ARHGAP42: variants seen among roughly 807,000 people sequenced by gnomAD.
ARHGAP42 encodes the protein Rho GTPase activating protein 42, also known as rho GTPase-activating protein 42.
Under a neutral mutation model 125.0 loss-of-function variants are expected in ARHGAP42, and 63 were observed. That is an observed-to-expected ratio of 0.50 (90% CI 0.41 to 0.62). The LOEUF is 0.62. Among genes scored for constraint, ARHGAP42 ranks in the 20% least tolerant of loss-of-function variants. The pLI is 0.00. For missense variants in ARHGAP42, 766 were observed against 1,024.2 expected, an observed-to-expected ratio of 0.75 and a Z score of 3.44; for synonymous variants, 339 against 351.0, an observed-to-expected ratio of 0.97 and a Z score of 0.38.
chr11:100,775,497 G>A (rs774835942), intron 2 of ARHGAP42, among the ~76,000 whole-genome samples: 3 of 152,178 alleles, frequency 2.0e-5, no homozygotes, highest in Non-Finnish European at 2.9e-5. Context: ...AATTGATAAC[G>A]TTCCAACATG....
At chr11:100,718,313 G>A (rs1306689619) in intron 1 of ARHGAP42, among the ~76,000 whole-genome samples, 1 of 152,192 alleles carries the variant, frequency 6.6e-6, no homozygotes, top group African/African-American at 2.4e-5. Flanking sequence ...CATAGCCACT[G>A]GATCTAGCAT....
intron 1 of ARHGAP42, among the ~76,000 whole-genome samples, chr11:100,740,146 T>G (rs2120342198): frequency 6.6e-6 from 1 of 152,194 alleles, no homozygotes; most frequent in South Asian, 2.1e-4. Context: ...TTCTGGAAGT[T>G]TTCCTGTTGA....
chr11:100,785,716 G>T (rs900655109), intron 2 of ARHGAP42, among the ~76,000 whole-genome samples: 1 of 152,148 alleles, frequency 6.6e-6, no homozygotes. Flanking sequence ...TTGCTTGTCA[G>T]CAGCAAATTA....
intron 12 of ARHGAP42, among the ~76,000 whole-genome samples, chr11:100,950,612 T>A (rs1177673450): frequency 1.3e-5 from 2 of 151,866 alleles, no homozygotes; most frequent in African/African-American, 4.8e-5. Context: ...AGTTTATATG[T>A]TTTTCATCAT....
intron 3 of ARHGAP42, among the ~76,000 whole-genome samples, chr11:100,850,787 T>C (rs368932052): frequency 6.6e-6 from 1 of 152,160 alleles, no homozygotes; most frequent in East Asian, 1.9e-4. Flanking sequence ...GGTTTCTGAG[T>C]TTCCCTAACA....
At chr11:100,782,784 T>G (rs77797324) in intron 2 of ARHGAP42, among the ~76,000 whole-genome samples, 5,639 of 152,280 alleles carry the variant, frequency 0.037, 101 homozygotes, top group African/African-American at 0.07. Flanking sequence ...GCTTGATTTT[T>G]GGGACTCGGA....
chr11:100,826,518 T>A (rs1864518208), intron 3 of ARHGAP42, among the ~76,000 whole-genome samples: 1 of 152,214 alleles, frequency 6.6e-6, no homozygotes, highest in South Asian at 2.1e-4. Flanking sequence ...TGTTCTTCTC[T>A]CATGTACCAT....
rs933895700 is a variant in ARHGAP42, at chr11:100,990,350, T to C, written c.*1549T>C. The C allele has an allele frequency of 2.6e-5, 4 of 152,108 alleles. No individual in the cohort carries two copies. Among genetic ancestry groups the C allele is most frequent in the African/African-American group, 9.7e-5 (4 of 41,432 alleles). 9.4% of individuals were successfully genotyped at this position (152,108 alleles called of 1,614,324 possible). A position where few individuals can be genotyped will look rare whatever the true frequency, so the allele number is the denominator to read the frequency against. On this transcript the variant is annotated 3_prime_UTR_variant, in exon 24 of 24. Transcript: ENST00000298815. ...TAATCTCTATCTCTTCTACTTTAAA[T>C]TAATGTTTCTAGAATTAATAGGTTA...
At chr11:100,939,838 C>T (rs1037550895) in intron 8 of ARHGAP42, among the ~76,000 whole-genome samples, 1 of 152,100 alleles carries the variant, frequency 6.6e-6, no homozygotes, top group African/African-American at 2.4e-5. Context: ...GCAGGAGGTC[C>T]TGAACTTCAG....
At chr11:100,970,238 C>G (rs1175452039) in intron 17 of ARHGAP42, among the ~76,000 whole-genome samples, 1 of 152,166 alleles carries the variant, frequency 6.6e-6, no homozygotes, top group Non-Finnish European at 1.5e-5. Context: ...ATCCACCCGC[C>G]TTGGCCTCCA....
chr11:100,867,436 C>T (rs533362300), intron 4 of ARHGAP42, among the ~76,000 whole-genome samples: 15 of 152,316 alleles, frequency 9.8e-5, no homozygotes, highest in African/African-American at 3.1e-4. Flanking sequence ...TCACCTGAGA[C>T]GTATATGTTA....
At chr11:100,893,158 G>GTGTGTGTGTGTGT in intron 4 of ARHGAP42, among the ~76,000 whole-genome samples, 2 of 147,090 alleles carry the variant, frequency 1.4e-5, no homozygotes, top group East Asian at 4.1e-4. Flanking sequence ...AACATTTAGG[G>GTGTGTGTGTGTGT]GTGTGTGTGT....
intron 1 of ARHGAP42, among the ~76,000 whole-genome samples, chr11:100,733,927 G>GTT: frequency 7.2e-6 from 1 of 138,160 alleles, no homozygotes; most frequent in African/African-American, 2.7e-5. Context: ...CCAAAGCAAA[G>GTT]TTGTTTTTTT....
intron 2 of ARHGAP42, among the ~76,000 whole-genome samples, chr11:100,786,187 T>C (rs1445426983): frequency 6.6e-6 from 1 of 152,128 alleles, no homozygotes; most frequent in Non-Finnish European, 1.5e-5. Flanking sequence ...GGAAACAGAA[T>C]AAACATTAAA....
intron 3 of ARHGAP42, among the ~76,000 whole-genome samples, chr11:100,849,717 A>G (rs937929667): frequency 1.3e-5 from 2 of 152,186 alleles, no homozygotes; most frequent in African/African-American, 4.8e-5. Context: ...ACATCCAAAC[A>G]GACACTAAGG....
At chr11:100,809,717 G>T (rs1456518192) in intron 3 of ARHGAP42, among the ~76,000 whole-genome samples, 1 of 152,210 alleles carries the variant, frequency 6.6e-6, no homozygotes, top group Non-Finnish European at 1.5e-5. Flanking sequence ...CATTTTGGGA[G>T]GCCAAGGTGG....
chr11:100,725,394 C>G (rs982517372), intron 1 of ARHGAP42, among the ~76,000 whole-genome samples: 1 of 151,876 alleles, frequency 6.6e-6, no homozygotes, highest in African/African-American at 2.4e-5. Flanking sequence ...TGGTCTTGAA[C>G]TCCTGACCTT....
At chr11:100,929,356 T>C (rs533624878) in intron 6 of ARHGAP42, among the ~76,000 whole-genome samples, 13 of 152,286 alleles carry the variant, frequency 8.5e-5, no homozygotes, top group African/African-American at 3.1e-4. Context: ...AAATGACCTT[T>C]ACTGGCCTGC....
intron 9 of ARHGAP42, among the ~76,000 whole-genome samples, chr11:100,942,978 G>T (rs931183312): frequency 4.6e-5 from 7 of 151,986 alleles, no homozygotes; most frequent in African/African-American, 1.7e-4. Context: ...GCCAAAGATA[G>T]AATTAACCAT....
Sources: allele counts gnomAD v4.1 joint callset (sites outside exome capture counted in the v4.1 genomes callset), GRCh38; gene constraint gnomAD v4.1.1; transcripts MANE v1.5; gene names NCBI Gene and HGNC (gene_info 2026-07-23, HGNC 2026-07-21).